CGRRF1: variants seen among roughly 807,000 people sequenced by gnomAD.
CGRRF1 encodes the protein cell growth regulator with ring finger domain 1, also known as cell growth regulator with RING finger domain protein 1.
A neutral mutation model predicts 37.2 loss-of-function variants in CGRRF1; 32 were observed. That is an observed-to-expected ratio of 0.86 (90% CI 0.65 to 1.16). The LOEUF (loss-of-function observed/expected upper bound fraction) is 1.16, where lower values mean the gene tolerates loss of function less well. CGRRF1 is among the 50% of genes most tolerant of loss of function. The pLI, the probability that CGRRF1 is intolerant of heterozygous loss-of-function variation, is 0.00. For missense variants in CGRRF1, 391 were observed against 382.6 expected, an observed-to-expected ratio of 1.02 and a Z score of -0.18; for synonymous variants, 141 against 140.3, an observed-to-expected ratio of 1.00 and a Z score of -0.04.
intron 4 of CGRRF1, among the ~76,000 whole-genome samples, chr14:54,535,393 A>ACACACACACACACACACC (rs1252336754): frequency 4.0e-5 from 6 of 150,838 alleles, no homozygotes; most frequent in African/African-American, 1.2e-4. Flanking sequence ...ACACACACAC[A>ACACACACACACACACACC]CTTTTTGTAA....
chr14:54,537,618 T>C (rs1225543378), intron 4 of CGRRF1, 104 bp from the exon 5 acceptor site: 1 of 1,172,962 alleles, frequency 8.5e-7, no homozygotes, highest in Non-Finnish European at 1.1e-6. Flanking sequence ...TTCTTTTTTT[T>C]TGGCAGAAGA....
chr14:54,537,919 A>G, intron 5 of CGRRF1, 90 bp downstream of exon 5: 1 of 1,511,588 alleles, frequency 6.6e-7, no homozygotes, highest in East Asian at 2.4e-5. Flanking sequence ...TATATTTTTC[A>G]GTTAATAATT....
At chr14:54,511,485 A>G (rs543676774) in intron 1 of CGRRF1, among the ~76,000 whole-genome samples, 75 of 152,384 alleles carry the variant, frequency 4.9e-4, no homozygotes, top group Non-Finnish European at 9.1e-4. Context: ...TTAAATGACT[A>G]TAATGTTAGT....
rs1323073593 is a variant in CGRRF1, at chr14:54,538,558, A to G, written c.*175A>G. The G allele has an allele frequency of 1.3e-5, 6 of 475,658 alleles. No individual in the cohort carries two copies. Among genetic ancestry groups the G allele is most frequent in the Admixed American group, 1.1e-4 (3 of 26,694 alleles). The allele number at this position is 475,658 out of a possible 1,614,324, so 29.5% of individuals were successfully genotyped here. ...TTAATTATTCCTTTCTGCTTAGTGAATGAATACTGGAATCCATCTGTGTTG... is the reference window on the plus strand; with the variant it reads ...TTAATTATTCCTTTCTGCTTAGTGAGTGAATACTGGAATCCATCTGTGTTG... On this transcript the variant is annotated 3_prime_UTR_variant, in exon 6 of 6. Coordinates refer to ENST00000216420, the MANE Select transcript of CGRRF1 (RefSeq NM_006568.3).
chr14:54,529,009 A>G (rs547275095), intron 2 of CGRRF1, among the ~76,000 whole-genome samples: 1 of 152,324 alleles, frequency 6.6e-6, no homozygotes, highest in African/African-American at 2.4e-5. Flanking sequence ...TATATCAATC[A>G]GAATTCTTAT....
intron 5 of CGRRF1, 103 bp downstream of exon 5, chr14:54,537,932 A>G: frequency 4.0e-6 from 6 of 1,499,844 alleles, no homozygotes. Flanking sequence ...TAATAATTAC[A>G]GAAGATAACT....
rs147423564 is a variant in CGRRF1, at chr14:54,538,234, T to C, written c.850T>C (p.Trp284Arg). The C allele has an allele frequency of 1.9e-6, 3 of 1,614,196 alleles. No homozygotes were observed. The East Asian group carries it at 6.7e-5, about 36-fold the overall frequency. ...TGTTTGCCAGAATGGGACTGTGAAC[T>C]GGGTACTCTTACCATGCAGACACAC... is the stretch of plus-strand genomic sequence containing the variant. ...CVVCQNGTVN[W>R]VLLPCRHTCL... Residue 284 changes from tryptophan (W) to arginine (R), a missense_variant, in exon 6 of 6, where the codon TGG becomes CGG. Coordinates refer to ENST00000216420, the MANE Select transcript of CGRRF1 (RefSeq NM_006568.3).
intron 2 of CGRRF1, among the ~76,000 whole-genome samples, chr14:54,529,050 G>GCTTACA (rs1385650099): frequency 1.3e-5 from 2 of 152,146 alleles, no homozygotes; most frequent in Non-Finnish European, 2.9e-5. Context: ...TTCAATAAAA[G>GCTTACA]GATATTGGGT....
intron 1 of CGRRF1, among the ~76,000 whole-genome samples, chr14:54,516,210 G>A (rs962642656): frequency 3.9e-5 from 6 of 152,052 alleles, no homozygotes; most frequent in African/African-American, 1.2e-4. Flanking sequence ...TATAAGAAAA[G>A]CATTATAATT....
chr14:54,516,573 T>C lies in CGRRF1; in HGVS notation c.105-5881T>C, dbSNP rs557729808. Among the ~76,000 whole-genome samples the C allele has an allele frequency of 3.9e-5, 6 of 152,244 alleles. No homozygotes were observed. In the East Asian group the frequency reaches 1.2e-3, roughly 29 times the overall value. ...TCTTTGGCTACCGTAGCATATCTTC[T>C]TTCTTTTTCTTAGGATTTTCTCTAT... On this transcript the variant is annotated intron_variant, in intron 1 of 5. Transcript: ENST00000216420.
chr14:54,534,761 C>T (rs1446478004), intron 4 of CGRRF1, among the ~76,000 whole-genome samples: 1 of 152,160 alleles, frequency 6.6e-6, no homozygotes, highest in East Asian at 1.9e-4. Flanking sequence ...TATCACCAGG[C>T]TGGAATATAG....
chr14:54,519,134 C>T (rs565174792), intron 1 of CGRRF1, among the ~76,000 whole-genome samples: 7 of 151,678 alleles, frequency 4.6e-5, no homozygotes, highest in Non-Finnish European at 7.4e-5. Flanking sequence ...TTAGTAGAGA[C>T]GGGGTTTCTC....
At chr14:54,522,823 A>G (rs949072473) in intron 2 of CGRRF1, among the ~76,000 whole-genome samples, 7 of 152,356 alleles carry the variant, frequency 4.6e-5, no homozygotes, top group African/African-American at 1.7e-4. Flanking sequence ...TGTGTATACA[A>G]AGGAGTAGAA....
At chr14:54,528,599 G>A (rs1358506185) in intron 2 of CGRRF1, among the ~76,000 whole-genome samples, 6 of 151,964 alleles carry the variant, frequency 3.9e-5, no homozygotes, top group Admixed American at 3.9e-4. Context: ...TGGTTCTACA[G>A]TGACAAAGGG....
At chr14:54,534,812 T>A (rs1430688933) in intron 4 of CGRRF1, among the ~76,000 whole-genome samples, 2 of 152,120 alleles carry the variant, frequency 1.3e-5, no homozygotes, top group Non-Finnish European at 2.9e-5. Context: ...CTTCCTGAGC[T>A]CAAGTGATCC....
chr14:54,538,376 C>G lies in CGRRF1; in HGVS notation c.992C>G (p.Thr331Ser), dbSNP rs11555280. The change falls in exon 6 of 6, where the codon ACT becomes AGT. Residue 331 changes from threonine (T) to serine (S), a missense_variant. By Grantham distance (58) the Thr-to-Ser change is moderately conservative (BLOSUM62 1). Coordinates refer to ENST00000216420, the MANE Select transcript of CGRRF1 (RefSeq NM_006568.3). ...GAGCAAGATAAAGACAAACCGAAGACTCTTTGAAGACATCGTAACACTGAA... is the reference window on the plus strand; with the variant it reads ...GAGCAAGATAAAGACAAACCGAAGAGTCTTTGAAGACATCGTAACACTGAA... Reference protein sequence around the residue: ...QKEQDKDKPKTL With the variant: ...QKEQDKDKPKSL 3.1e-6 allele frequency: 5 copies of G among 1,601,500 alleles called. No homozygotes were observed. The highest frequency in any genetic ancestry group is 1.7e-5 in the Admixed American group (1 of 59,418).
At position 54,517,042 on chromosome 14, in the gene CGRRF1, G is replaced by A. The variant is rs139341359; in HGVS notation, c.105-5412G>A. ...TCTTCCATGCCTCTATATCATATGTGCAGTCATTACTTTTCTTCTGAAACA... is the reference window on the plus strand; with the variant it reads ...TCTTCCATGCCTCTATATCATATGTACAGTCATTACTTTTCTTCTGAAACA... On this transcript the variant is annotated intron_variant, in intron 1 of 5. Transcript: ENST00000216420. Among the ~76,000 whole-genome samples, 416 of 151,992 alleles carry A rather than the reference G, an allele frequency of 2.7e-3. 4 individuals are homozygous for A. Among genetic ancestry groups the A allele is most frequent in the African/African-American group, 9.4e-3 (390 of 41,450 alleles).
At chr14:54,520,393 A>G (rs1420525262) in intron 1 of CGRRF1, among the ~76,000 whole-genome samples, 4 of 152,162 alleles carry the variant, frequency 2.6e-5, no homozygotes, top group Admixed American at 2.0e-4. Flanking sequence ...TCGGCCTCCC[A>G]AAGTGCTGGG....
intron 2 of CGRRF1, among the ~76,000 whole-genome samples, chr14:54,527,430 G>A (rs1404061319): frequency 6.6e-6 from 1 of 152,014 alleles, no homozygotes; most frequent in Non-Finnish European, 1.5e-5. Context: ...CCTGCACATT[G>A]TGCACATGTA....
Sources: allele counts gnomAD v4.1 joint callset (sites outside exome capture counted in the v4.1 genomes callset), GRCh38; gene constraint gnomAD v4.1.1; transcripts MANE v1.5; gene names NCBI Gene and HGNC (gene_info 2026-07-23, HGNC 2026-07-21).